Variants in CFAP299 observed in about 807,000 individuals in gnomAD.
The protein encoded by CFAP299 is cilia- and flagella-associated protein 299.
A neutral mutation model predicts 27.0 loss-of-function variants in CFAP299; 21 were observed. The observed-to-expected ratio is 0.78, with a 90% CI of 0.55 to 1.12. The LOEUF (loss-of-function observed/expected upper bound fraction) is 1.12, where lower values mean the gene tolerates loss of function less well. Among genes scored for constraint, CFAP299 ranks in the 50% most tolerant of loss-of-function variants. The pLI is 0.00. For missense variants in CFAP299, 310 were observed against 276.6 expected (o/e 1.12, Z -0.86); for synonymous variants, 104 against 98.1 (o/e 1.06, Z -0.36).
rs79593224 is a variant in CFAP299, at chr4:80,341,494, C to G, written c.111+5615C>G. 9.2e-3 allele frequency among the ~76,000 whole-genome samples: 1,401 copies of G among 152,260 alleles called. 20 individuals are homozygous for G. Among genetic ancestry groups the G allele is most frequent in the African/African-American group, 0.032 (1,326 of 41,552 alleles). On this transcript the variant is annotated intron_variant, in intron 1 of 5. Transcript: ENST00000358105. The stretch of plus-strand genomic sequence containing the variant: ...CCCGGAGGAAGGAGAAGGCTGCCAT[C>G]TTTGCTGTTTCACAGCCTTCACTGG...
At chr4:80,761,104 A>G (rs961886679) in intron 3 of CFAP299, among the ~76,000 whole-genome samples, 1 of 152,202 alleles carries the variant, frequency 6.6e-6, no homozygotes, top group African/African-American at 2.4e-5. Context: ...CAGTCATTCA[A>G]AAAGACATGC....
chr4:80,961,048 A>T (rs1474395095), intron 5 of CFAP299, among the ~76,000 whole-genome samples: 4 of 151,758 alleles, frequency 2.6e-5, no homozygotes, highest in African/African-American at 9.7e-5. Flanking sequence ...GTCTAAGGTT[A>T]TGTGTTGCCT....
chr4:80,457,328 T>C (rs1729217723), intron 2 of CFAP299, among the ~76,000 whole-genome samples: 1 of 152,160 alleles, frequency 6.6e-6, no homozygotes, highest in Non-Finnish European at 1.5e-5. Context: ...TGTTGGAAAG[T>C]TATTTTTGGT....
chr4:80,339,299 T>C (rs1288409908), intron 1 of CFAP299, among the ~76,000 whole-genome samples: 1 of 152,216 alleles, frequency 6.6e-6, no homozygotes, highest in African/African-American at 2.4e-5. Context: ...TTTGCCCGTA[T>C]CTTTGTAAAT....
In CFAP299 at chr4:80,521,659, G is replaced by T. The variant is rs548168573; in HGVS notation, c.243-61434G>T. Among the ~76,000 whole-genome samples the T allele has an allele frequency of 6.5e-4, 99 of 151,992 alleles. No homozygotes were observed. The Middle Eastern group carries it at 0.01, about 16-fold the overall frequency. ...CCTGACAACCACCATTCTATGTTCT[G>T]CTTTGATGAGTTTGACTACTTTAGA... is the stretch of plus-strand genomic sequence containing the variant. On this transcript the variant is annotated intron_variant, in intron 2 of 5. Coordinates refer to ENST00000358105, the MANE Select transcript of CFAP299 (RefSeq NM_152770.3).
At chr4:80,553,394 C>G (rs1734622550) in intron 2 of CFAP299, among the ~76,000 whole-genome samples, 1 of 152,152 alleles carries the variant, frequency 6.6e-6, no homozygotes. Flanking sequence ...TTTTATCTAT[C>G]CAATCTGTCA....
chr4:80,394,681 T>G (rs1385779865), intron 2 of CFAP299, among the ~76,000 whole-genome samples: 1 of 152,170 alleles, frequency 6.6e-6, no homozygotes, highest in East Asian at 1.9e-4. Flanking sequence ...TTGAAGAGAA[T>G]GTCCTTTCCC....
chr4:80,384,476 A>T (rs1278865900), intron 2 of CFAP299, among the ~76,000 whole-genome samples: 2 of 152,226 alleles, frequency 1.3e-5, no homozygotes, highest in African/African-American at 4.8e-5. Flanking sequence ...CTGTCAAGTT[A>T]TACCATTGAC....
intron 2 of CFAP299, among the ~76,000 whole-genome samples, chr4:80,519,666 C>T (rs1732803997): frequency 6.6e-6 from 1 of 152,046 alleles, no homozygotes; most frequent in African/African-American, 2.4e-5. Context: ...ATCGTAGATC[C>T]ATGTTCAATA....
chr4:80,870,194 G>T (rs1428250562), intron 4 of CFAP299, 59 bp downstream of exon 4: 2 of 1,508,888 alleles, frequency 1.3e-6, no homozygotes, highest in Non-Finnish European at 1.8e-6. Context: ...TTTATTTTAT[G>T]GTCTACATTG....
rs1413959876 is a variant in CFAP299, at chr4:80,618,839, TAAATA to T, written c.333+35664_333+35668del. On this transcript the variant is annotated intron_variant, in intron 3 of 5. Transcript: ENST00000358105. The stretch of plus-strand genomic sequence containing the variant: ...GGGTAAGTATAATATAATAATATCA[TAAATA>T]AAATAAACTACTAATCGTGGGAGCT... 5.9e-5 allele frequency among the ~76,000 whole-genome samples: 9 copies of T among 151,996 alleles called. No homozygotes were observed. In the South Asian group the frequency reaches 1.2e-3, roughly 21 times the overall value.
At chr4:80,804,820 T>C (rs1345291877) in intron 3 of CFAP299, among the ~76,000 whole-genome samples, 1 of 152,162 alleles carries the variant, frequency 6.6e-6, no homozygotes, top group African/African-American at 2.4e-5. Context: ...TTTTTATCTG[T>C]TCAGCTAATT....
intron 2 of CFAP299, among the ~76,000 whole-genome samples, chr4:80,496,473 T>A (rs1731446761): frequency 6.6e-6 from 1 of 152,158 alleles, no homozygotes; most frequent in Non-Finnish European, 1.5e-5. Flanking sequence ...CATTTCCATG[T>A]GAGATCTCAT....
At chr4:80,484,057 G>A (rs58593245) in intron 2 of CFAP299, among the ~76,000 whole-genome samples, 58,839 of 151,928 alleles carry the variant, frequency 0.39, 14,320 homozygotes, top group African/African-American at 0.69. Flanking sequence ...TTTTAAAAAT[G>A]ATAGGTGATT....
At chr4:80,402,004 G>C (rs1726187807) in intron 2 of CFAP299, among the ~76,000 whole-genome samples, 1 of 152,060 alleles carries the variant, frequency 6.6e-6, no homozygotes. Flanking sequence ...GATTTGCACG[G>C]GCCCTGTAAC....
In CFAP299 at chr4:80,731,617, C is replaced by G. The variant is rs370684266; in HGVS notation, c.334-138376C>G. Among the ~76,000 whole-genome samples, 54 of 152,270 alleles carry G rather than the reference C, an allele frequency of 3.5e-4. 1 individual carries two copies. In the East Asian group the frequency reaches 8.1e-3, roughly 23 times the overall value. ...CTGCTCACCTCTTCCCCTCTTCTCTCTCTCATTCAGCATGCCATGACAAGC... is the reference window on the plus strand; with the variant it reads ...CTGCTCACCTCTTCCCCTCTTCTCTGTCTCATTCAGCATGCCATGACAAGC... On this transcript the variant is annotated intron_variant, in intron 3 of 5. Transcript: ENST00000358105.
chr4:80,832,796 C>G (rs1283940932), intron 3 of CFAP299, among the ~76,000 whole-genome samples: 3 of 152,000 alleles, frequency 2.0e-5, no homozygotes, highest in Non-Finnish European at 4.4e-5. Flanking sequence ...AAGTTTTTAT[C>G]AAATAGAATT....
At chr4:80,612,034 T>C (rs575623132) in intron 3 of CFAP299, among the ~76,000 whole-genome samples, 1 of 152,178 alleles carries the variant, frequency 6.6e-6, no homozygotes, top group African/African-American at 2.4e-5. Flanking sequence ...TCTAAAGCTT[T>C]GTTGTTTTGT....
At chr4:80,665,695 T>C (rs914424144) in intron 3 of CFAP299, among the ~76,000 whole-genome samples, 26 of 152,214 alleles carry the variant, frequency 1.7e-4, no homozygotes, top group African/African-American at 5.5e-4. Flanking sequence ...TTTGGATCTG[T>C]GTACCCACCC....
Sources: gnomAD v4.1 joint callset for allele counts (sites outside exome capture counted in the v4.1 genomes callset) on GRCh38, gnomAD v4.1.1 for gene constraint, MANE v1.5 for transcripts, NCBI Gene and HGNC (gene_info 2026-07-23, HGNC 2026-07-21) for gene names.